Variants in RBFA observed in about 807,000 individuals in gnomAD.
RBFA encodes the protein ribosome binding factor A.
Under a neutral mutation model 27.9 loss-of-function variants are expected in RBFA, and 16 were observed. The observed-to-expected ratio is 0.57, with a 90% CI of 0.39 to 0.87. The LOEUF is 0.87. RBFA is among the 40% of genes least tolerant of loss of function. The pLI, the probability that RBFA is intolerant of heterozygous loss-of-function variation, is 0.00. For missense variants in RBFA, 456 were observed against 432.1 expected (o/e 1.06, Z -0.49); for synonymous variants, 181 against 181.0 (o/e 1.00, Z 0.00).
Position 80,044,831 on chromosome 18 carries a change from C to T in RBFA, c.650+546C>T, listed in dbSNP as rs536471723. On this transcript the variant is annotated intron_variant, in intron 6 of 6. Transcript: ENST00000306735. ...GGGGTGTTTGTGGGGGGCCCCATTC[C>T]AAGCCCACAGCTGCTAGAGCAGGCC... 5.3e-5 allele frequency among the ~76,000 whole-genome samples: 8 copies of T among 152,360 alleles called. No individual in the cohort carries two copies. The South Asian group carries it at 1.7e-3, about 32-fold the overall frequency.
At position 80,045,831 on chromosome 18, in the gene RBFA, G is replaced by T. The variant is rs144362774; in HGVS notation, c.708G>T (p.Leu236=). Residue 236 remains leucine, a synonymous_variant, in exon 7 of 7, where the codon CTG becomes CTT. Coordinates refer to ENST00000306735, the MANE Select transcript of RBFA (RefSeq NM_024805.3). ...GTTEPTTSSS[L]CGIDHEALNK... is the part of the protein sequence containing the mutation. ...CAGAGCCGACCACAAGCTCCAGTCTGTGTGGGATCGATCATGAGGCGCTCA... is the reference window on the plus strand; with the variant it reads ...CAGAGCCGACCACAAGCTCCAGTCTTTGTGGGATCGATCATGAGGCGCTCA... The T allele has an allele frequency of 6.4e-7, 1 of 1,557,542 alleles. No homozygotes were observed. The highest frequency in any genetic ancestry group is 1.2e-5 in the South Asian group (1 of 80,814).
rs2052088400 is a variant in RBFA at position 80,050,436 on chromosome 18, ACAT to A, written c.*4285_*4287del. Among the ~76,000 whole-genome samples, 1 of 152,204 alleles carries A rather than the reference ACAT, an allele frequency of 6.6e-6. No individual in the cohort carries two copies. Among genetic ancestry groups the A allele is most frequent in the Admixed American group, 6.5e-5 (1 of 15,280 alleles). Reference sequence around the variant, plus strand: ...ATACAGACATGCAATGTGAAAAAGCACATCATGGAGACTGGGGCACCCATCCCC... The same window carrying A: ...ATACAGACATGCAATGTGAAAAAGCACATGGAGACTGGGGCACCCATCCCC... On this transcript the variant is annotated 3_prime_UTR_variant, in exon 7 of 7. Coordinates refer to ENST00000306735, the MANE Select transcript of RBFA (RefSeq NM_024805.3).
chr18:80,046,310 T>C lies in RBFA; in HGVS notation c.*155T>C, dbSNP rs1455337051. On this transcript the variant is annotated 3_prime_UTR_variant, in exon 7 of 7. Coordinates refer to ENST00000306735, the MANE Select transcript of RBFA (RefSeq NM_024805.3). The stretch of plus-strand genomic sequence containing the variant: ...TTCCGTGTATCTAAACACAATTTGC[T>C]ACACAAGTCACTGTTTTTTTTTCCA... The C allele has an allele frequency of 2.4e-6, 2 of 834,332 alleles. No individual in the cohort carries two copies. Among genetic ancestry groups the C allele is most frequent in the Admixed American group, 3.0e-5 (1 of 33,632 alleles). 51.7% of individuals were successfully genotyped at this position (834,332 alleles called of 1,614,324 possible).
intron 2 of RBFA, 81 bp from the exon 3 acceptor site, chr18:80,037,249 C>T: frequency 8.0e-7 from 1 of 1,257,034 alleles, no homozygotes; most frequent in Non-Finnish European, 1.1e-6. Context: ...CCATCCAGCC[C>T]TCCCCCAGCC....
At position 80,037,356 on chromosome 18, in the gene RBFA, C is replaced by T. The variant is rs2051986383; in HGVS notation, c.228C>T (p.Phe76=). Reference sequence around the variant, plus strand: ...CTTACAAACCATCCAAGTTGGAATTCCTCATGAGGAGCACCTCAAAGAAAA... The same window carrying T: ...CTTACAAACCATCCAAGTTGGAATTTCTCATGAGGAGCACCTCAAAGAAAA... ...HSTYKPSKLE[F]LMRSTSKKTR... Residue 76 remains phenylalanine (F), a synonymous_variant, in exon 3 of 7, where the codon TTC becomes TTT. Transcript: ENST00000306735. 1 of 1,613,942 alleles carries T rather than the reference C, an allele frequency of 6.2e-7. No homozygotes were observed. Among genetic ancestry groups the T allele is most frequent in the Non-Finnish European group, 8.5e-7 (1 of 1,179,976 alleles).
In RBFA at chr18:80,048,403, T is replaced by G. The variant is rs577752298; in HGVS notation, c.*2248T>G. Among the ~76,000 whole-genome samples, 1 of 152,326 alleles carries G rather than the reference T, an allele frequency of 6.6e-6. No homozygotes were observed. Among genetic ancestry groups the G allele is most frequent in the African/African-American group, 2.4e-5 (1 of 41,574 alleles). ...AGAACGCCCTCAATGGTGTGTCCTT[T>G]GCATACACACCTTTGCATGCATCTG... On this transcript the variant is annotated 3_prime_UTR_variant, in exon 7 of 7. Coordinates refer to ENST00000306735, the MANE Select transcript of RBFA (RefSeq NM_024805.3).
At position 80,050,034 on chromosome 18, in the gene RBFA, G is replaced by C. The variant is rs1465916502; in HGVS notation, c.*3879G>C. 6.6e-6 allele frequency among the ~76,000 whole-genome samples: 1 copy of C among 152,338 alleles called. No homozygotes were observed. Among genetic ancestry groups the C allele is most frequent in the East Asian group, 1.9e-4 (1 of 5,180 alleles). On this transcript the variant is annotated 3_prime_UTR_variant, in exon 7 of 7. Coordinates refer to ENST00000306735, the MANE Select transcript of RBFA (RefSeq NM_024805.3). The stretch of plus-strand genomic sequence containing the variant: ...CTAAGGGCCTGAGACCCTCTCTTAG[G>C]AATAGAAGTACAGTTTTCTTCCCCA...
chr18:80,035,783 C>G (rs2051974616), intron 1 of RBFA: 2 of 152,202 alleles, frequency 1.3e-5, no homozygotes, highest in African/African-American at 4.8e-5. Flanking sequence ...TTCATATCAC[C>G]AAGAACTCAT....
intron 5 of RBFA, among the ~76,000 whole-genome samples, chr18:80,042,854 T>C (rs1008440389): frequency 6.6e-6 from 1 of 152,090 alleles, no homozygotes; most frequent in Non-Finnish European, 1.5e-5. Flanking sequence ...TGTCCCTTTC[T>C]CCTGTGCCCC....
chr18:80,042,855 C>T (rs553095517), intron 5 of RBFA, among the ~76,000 whole-genome samples: 2 of 152,020 alleles, frequency 1.3e-5, no homozygotes, highest in Admixed American at 6.5e-5. Context: ...GTCCCTTTCT[C>T]CTGTGCCCCT....
In RBFA at chr18:80,043,835, C is replaced by T. The variant is rs549165331; in HGVS notation, c.577-377C>T. On this transcript the variant is annotated intron_variant, in intron 5 of 6. Transcript: ENST00000306735. ...CTTGTCTTGTTGGGAGGCTTTTGTC[C>T]CCCAAGGCACACAAATTCTGTGGCA... 1.9e-3 allele frequency among the ~76,000 whole-genome samples: 287 copies of T among 152,260 alleles called. 2 individuals are homozygous for T. The highest frequency in any genetic ancestry group is 6.4e-3 in the African/African-American group (264 of 41,544).
intron 3 of RBFA, 44 bp from the exon 4 acceptor site, chr18:80,038,461 C>T (rs3744870): frequency 7.5e-7 from 1 of 1,326,882 alleles, no homozygotes; most frequent in Non-Finnish European, 1.1e-6. Flanking sequence ...GTCTTGAAAA[C>T]CCATGTAAGC....
intron 3 of RBFA, among the ~76,000 whole-genome samples, chr18:80,037,846 G>A (rs1380086943): frequency 1.3e-5 from 2 of 151,350 alleles, no homozygotes; most frequent in East Asian, 2.0e-4. Flanking sequence ...CTGAGGCCGC[G>A]CCTCTGCACT....
chr18:80,044,687 A>C (rs1334606530), intron 6 of RBFA, among the ~76,000 whole-genome samples: 1 of 152,084 alleles, frequency 6.6e-6, no homozygotes, highest in African/African-American at 2.4e-5. Context: ...TTAGGAGGGG[A>C]GTAGAGGGAG....
Position 80,042,120 on chromosome 18 carries a change from C to T in RBFA, c.492-15C>T, listed in dbSNP as rs373682569. 18 of 1,593,906 alleles carry T rather than the reference C, an allele frequency of 1.1e-5. No individual in the cohort carries two copies. Among genetic ancestry groups the T allele is most frequent in the East Asian group, 2.3e-5 (1 of 44,342 alleles). On this transcript the variant is annotated splice_polypyrimidine_tract_variant and intron_variant, in intron 4 of 6. Transcript: ENST00000306735. Reference sequence around the variant, plus strand: ...CACGGCACAGCTGTGAGGGTCTGTGCGTTCTGTCTCCTAGGCACCTTTTGA... The same window carrying T: ...CACGGCACAGCTGTGAGGGTCTGTGTGTTCTGTCTCCTAGGCACCTTTTGA...
chr18:80,043,894 C>T (rs1430459607), intron 5 of RBFA, among the ~76,000 whole-genome samples: 1 of 152,206 alleles, frequency 6.6e-6, no homozygotes, highest in Non-Finnish European at 1.5e-5. Flanking sequence ...ACCTTAGAAA[C>T]CAGTTAATGG....
At chr18:80,039,342 A>T (rs912614616) in intron 4 of RBFA, among the ~76,000 whole-genome samples, 2 of 152,224 alleles carry the variant, frequency 1.3e-5, no homozygotes, top group Admixed American at 6.5e-5. Context: ...AAGAAAAATT[A>T]AAAAATCCGA....
At position 80,045,798 on chromosome 18, in the gene RBFA, C is replaced by G; in HGVS notation, c.675C>G (p.Cys225Trp). 6.6e-7 allele frequency: 1 copy of G among 1,518,572 alleles called. No homozygotes were observed. The highest frequency in any genetic ancestry group is 8.8e-7 in the Non-Finnish European group (1 of 1,134,194). The allele number at this position is 1,518,572 out of a possible 1,614,324, so 94.1% of individuals were successfully genotyped here. A position where few individuals can be genotyped will look rare whatever the true frequency, so the allele number is the denominator to read the frequency against. The stretch of plus-strand genomic sequence containing the variant: ...GGGACCCTGATGCCCCACAACCCTG[C>G]GGCACCACAGAGCCGACCACAAGCT... ...DFRDPDAPQPCGTTEPTTSSS... is the reference protein window; with the variant it reads ...DFRDPDAPQPWGTTEPTTSSS... Residue 225 changes from cysteine (C) to tryptophan (W), a missense_variant, in exon 7 of 7, where the codon TGC becomes TGG. Transcript: ENST00000306735.
At chr18:80,036,626 G>T in intron 1 of RBFA, 42 bp from the exon 2 acceptor site, 1 of 1,508,638 alleles carries the variant, frequency 6.6e-7, no homozygotes, top group South Asian at 1.1e-5. Context: ...GTAACTTTTT[G>T]ACTTTGCCAT....
Sources: gnomAD v4.1 joint callset for allele counts (sites outside exome capture counted in the v4.1 genomes callset) on GRCh38, gnomAD v4.1.1 for gene constraint, MANE v1.5 for transcripts, NCBI Gene and HGNC (gene_info 2026-07-23, HGNC 2026-07-21) for gene names.